Variants in PRKG1 observed in about 807,000 individuals in gnomAD.
PRKG1 encodes the protein protein kinase cGMP-dependent 1.
A neutral mutation model predicts 88.1 loss-of-function variants in PRKG1; 35 were observed. The observed-to-expected ratio is 0.40, with a 90% CI of 0.30 to 0.53. The LOEUF is 0.53. Ranked by LOEUF, PRKG1 falls within the 20% of genes least tolerant of loss-of-function variation. PRKG1 has a pLI of 0.59. For synonymous variants in PRKG1, 303 were observed against 292.5 expected, an observed-to-expected ratio of 1.04 and a Z score of -0.37; for missense variants, 540 against 839.8, an observed-to-expected ratio of 0.64 and a Z score of 4.41.
intron 2 of PRKG1, among the ~76,000 whole-genome samples, chr10:51,239,712 A>G (rs1839099898): frequency 1.3e-5 from 2 of 152,152 alleles, no homozygotes; most frequent in African/African-American, 4.8e-5. Flanking sequence ...GGGCTGAGGA[A>G]GTGGTTACAA....
intron 10 of PRKG1, among the ~76,000 whole-genome samples, chr10:52,258,211 A>T (rs1215571890): frequency 2.2e-5 from 3 of 138,984 alleles, no homozygotes; most frequent in African/African-American, 7.5e-5. Context: ...AAACCTGCAT[A>T]TGATTTTAGA....
intron 1 of PRKG1, among the ~76,000 whole-genome samples, chr10:51,043,729 A>G (rs1400922335): frequency 6.6e-6 from 1 of 152,178 alleles, no homozygotes. Flanking sequence ...TTTATCCCAT[A>G]GCACAGTACA....
At chr10:51,973,313 G>A (rs1843753409) in intron 5 of PRKG1, among the ~76,000 whole-genome samples, 1 of 152,150 alleles carries the variant, frequency 6.6e-6, no homozygotes, top group Middle Eastern at 3.2e-3. Context: ...CTGCCTCCCT[G>A]AGGTTCCAGA....
intron 8 of PRKG1, among the ~76,000 whole-genome samples, chr10:52,135,622 G>A (rs1438656400): frequency 2.6e-5 from 4 of 152,038 alleles, no homozygotes; most frequent in Non-Finnish European, 4.4e-5. Flanking sequence ...AAGAGCAAGG[G>A]AGAAATTAGG....
At chr10:51,676,133 A>G (rs1840705030) in intron 3 of PRKG1, among the ~76,000 whole-genome samples, 1 of 152,088 alleles carries the variant, frequency 6.6e-6, no homozygotes, top group African/African-American at 2.4e-5. Context: ...GAAAAGCAAA[A>G]AGACTTGCAT....
chr10:51,595,170 G>A (rs948984366), intron 3 of PRKG1, among the ~76,000 whole-genome samples: 10 of 152,112 alleles, frequency 6.6e-5, no homozygotes, highest in African/African-American at 2.4e-4. Context: ...AACATAGTGA[G>A]ATCCCATCTC....
At chr10:51,605,572 A>G (rs1353654468) in intron 3 of PRKG1, among the ~76,000 whole-genome samples, 1 of 152,254 alleles carries the variant, frequency 6.6e-6, no homozygotes, top group Non-Finnish European at 1.5e-5. Flanking sequence ...ATTTCCTCCC[A>G]TTCCAAGGAA....
chr10:51,334,152 T>TTCTCTCTCTCTCTCTCTCTCTCTC (rs10568175), intron 2 of PRKG1, among the ~76,000 whole-genome samples: 17 of 137,220 alleles, frequency 1.2e-4, no homozygotes, highest in East Asian at 1.1e-3. Flanking sequence ...CTCTCTCTCT[T>TTCTCTCTCTCTCTCTCTCTCTCTC]TCTCTCTCTC....
intron 9 of PRKG1, among the ~76,000 whole-genome samples, chr10:52,167,299 A>G (rs1838508010): frequency 6.6e-6 from 1 of 152,126 alleles, no homozygotes; most frequent in East Asian, 1.9e-4. Flanking sequence ...AACTAAGAGA[A>G]GGAGAACTCA....
chr10:51,401,581 A>G (rs1366409132), intron 2 of PRKG1, among the ~76,000 whole-genome samples: 1 of 152,134 alleles, frequency 6.6e-6, no homozygotes, highest in Non-Finnish European at 1.5e-5. Flanking sequence ...TAAGCATTTT[A>G]AAACTGTTTT....
intron 3 of PRKG1, among the ~76,000 whole-genome samples, chr10:51,566,487 A>G (rs1029111326): frequency 1.3e-5 from 2 of 152,112 alleles, no homozygotes; most frequent in African/African-American, 2.4e-5. Flanking sequence ...TACAAAATCA[A>G]TTGATGTAAT....
intron 5 of PRKG1, among the ~76,000 whole-genome samples, chr10:51,951,507 A>G (rs1405676302): frequency 6.6e-6 from 1 of 152,214 alleles, no homozygotes; most frequent in African/African-American, 2.4e-5. Flanking sequence ...AGTTTGCAAG[A>G]GATCCTTATT....
In PRKG1 at chr10:51,297,332, T is replaced by G. The variant is rs189768087; in HGVS notation, c.478+144002T>G. On this transcript the variant is annotated intron_variant, in intron 2 of 17. Transcript: ENST00000373980. ...AACCTGTGGGTGTTCATTTGAACAG[T>G]AGAGTCATAGAAAAACTTTACTATC... 3.9e-5 allele frequency among the ~76,000 whole-genome samples: 6 copies of G among 152,220 alleles called. No individual in the cohort carries two copies. In the East Asian group the frequency reaches 1.2e-3, roughly 29 times the overall value.
chr10:51,991,739 C>T (rs1285951961), intron 5 of PRKG1, among the ~76,000 whole-genome samples: 5 of 152,212 alleles, frequency 3.3e-5, no homozygotes, highest in African/African-American at 1.2e-4. Flanking sequence ...CATAGTATTC[C>T]ATGGTGTATA....
chr10:51,607,633 T>G (rs934008920), intron 3 of PRKG1, among the ~76,000 whole-genome samples: 3 of 152,166 alleles, frequency 2.0e-5, no homozygotes, highest in African/African-American at 7.2e-5. Flanking sequence ...GAACCTGCCT[T>G]AGTGGCCCGA....
At chr10:52,038,796 A>G (rs529739201) in intron 5 of PRKG1, among the ~76,000 whole-genome samples, 1 of 152,258 alleles carries the variant, frequency 6.6e-6, no homozygotes, top group Admixed American at 6.5e-5. Context: ...CCAGTCCGTG[A>G]CCAGCGCCGG....
At chr10:52,027,074 G>A (rs1433772490) in intron 5 of PRKG1, among the ~76,000 whole-genome samples, 2 of 152,178 alleles carry the variant, frequency 1.3e-5, no homozygotes, top group Admixed American at 1.3e-4. Flanking sequence ...GGTTGTATAA[G>A]AGAAGACATG....
intron 5 of PRKG1, among the ~76,000 whole-genome samples, chr10:52,031,910 G>A (rs774622480): frequency 3.3e-5 from 5 of 152,154 alleles, no homozygotes; most frequent in Non-Finnish European, 5.9e-5. Context: ...GGATGAGAGA[G>A]TAACAGATGT....
intron 12 of PRKG1, 58 bp downstream of exon 12, chr10:52,272,539 A>G: frequency 8.5e-7 from 1 of 1,170,132 alleles, no homozygotes; most frequent in Non-Finnish European, 1.3e-6. Context: ...ATGTTGGTCT[A>G]TAAGAAGAGT....
Sources: allele counts gnomAD v4.1 joint callset (sites outside exome capture counted in the v4.1 genomes callset), GRCh38; gene constraint gnomAD v4.1.1; transcripts MANE v1.5; gene names NCBI Gene and HGNC (gene_info 2026-07-23, HGNC 2026-07-21).